Variants in AVL9 observed in about 807,000 individuals in gnomAD.
AVL9 encodes AVL9 cell migration associated, also known as late secretory pathway protein AVL9 homolog.
AVL9 carries 49 observed loss-of-function variants against 79.2 expected under a neutral mutation model. The ratio of observed to expected loss-of-function variants is 0.62; its 90% CI spans 0.49 to 0.79. The LOEUF is 0.79. Among genes scored for constraint, AVL9 ranks in the 30% least tolerant of loss-of-function variants. The pLI, the probability that AVL9 is intolerant of heterozygous loss-of-function variation, is 0.00. For missense variants in AVL9, 682 were observed against 776.8 expected (o/e 0.88, Z 1.45); for synonymous variants, 299 against 280.6 (o/e 1.07, Z -0.65).
chr7:32,526,138 C>T (rs1250459866), intron 1 of AVL9, among the ~76,000 whole-genome samples: 3 of 152,220 alleles, frequency 2.0e-5, no homozygotes, highest in South Asian at 4.1e-4. Flanking sequence ...CCTCCTGGTG[C>T]GCAGGCCAGT....
At chr7:32,579,251 G>T (rs1401569906) in intron 13 of AVL9, among the ~76,000 whole-genome samples, 1 of 129,730 alleles carries the variant, frequency 7.7e-6, no homozygotes, top group Non-Finnish European at 1.6e-5. Context: ...TTTTCCTACT[G>T]CCTGTATAAT....
At chr7:32,547,610 C>T (rs1344310428) in intron 3 of AVL9, among the ~76,000 whole-genome samples, 1 of 152,196 alleles carries the variant, frequency 6.6e-6, no homozygotes, top group Non-Finnish European at 1.5e-5. Context: ...TTCTGACCCA[C>T]TCAGGAGTAC....
rs1345984527 is a variant in AVL9 at position 32,586,465 on chromosome 7, C to CA, written c.*2558_*2559insA. 4 of 44,948 alleles carry CA rather than the reference C, an allele frequency of 8.9e-5. No individual in the cohort carries two copies. The highest frequency in any genetic ancestry group is 3.6e-4 in the African/African-American group (4 of 11,228). 2.8% of individuals were successfully genotyped at this position (44,948 alleles called of 1,614,324 possible). A position where few individuals can be genotyped will look rare whatever the true frequency, so the allele number is the denominator to read the frequency against. Reference sequence around the variant, plus strand: ...AGCCTCACCCCTGGTCCTGTGACCCCCCCCCCCCACACACACACATACTTC... The same window carrying CA: ...AGCCTCACCCCTGGTCCTGTGACCCCACCCCCCCCACACACACACATACTTC... On this transcript the variant is annotated 3_prime_UTR_variant, in exon 16 of 16. Coordinates refer to ENST00000318709, the MANE Select transcript of AVL9 (RefSeq NM_015060.3).
chr7:32,550,412 G>A (rs1789758070), intron 4 of AVL9, among the ~76,000 whole-genome samples: 1 of 152,148 alleles, frequency 6.6e-6, no homozygotes, highest in South Asian at 2.1e-4. Flanking sequence ...CAGACACAAG[G>A]GATGGGAAGA....
At chr7:32,562,514 C>G (rs1347609160) in intron 10 of AVL9, 3 of 525,956 alleles carry the variant, frequency 5.7e-6, no homozygotes, top group Non-Finnish European at 7.3e-6. Flanking sequence ...TTTTTAATAA[C>G]TTAAATGCAA....
chr7:32,511,133 C>T (rs1238224960), intron 1 of AVL9, among the ~76,000 whole-genome samples: 6 of 146,246 alleles, frequency 4.1e-5, no homozygotes, highest in African/African-American at 1.3e-4. Context: ...ATTTGTGAGC[C>T]GTCAGGTCTG....
intron 13 of AVL9, among the ~76,000 whole-genome samples, chr7:32,579,192 T>C (rs1005835495): frequency 3.4e-5 from 5 of 146,270 alleles, no homozygotes; most frequent in African/African-American, 1.0e-4. Flanking sequence ...GAGATAAGAA[T>C]TGGATATTTA....
intron 1 of AVL9, among the ~76,000 whole-genome samples, chr7:32,522,303 G>A (rs1322073819): frequency 6.6e-6 from 1 of 152,164 alleles, no homozygotes; most frequent in East Asian, 1.9e-4. Context: ...ATCCGGGAGG[G>A]AGGCTGTACC....
intron 15 of AVL9, among the ~76,000 whole-genome samples, chr7:32,583,141 T>A (rs866246712): frequency 1.3e-5 from 2 of 152,212 alleles, no homozygotes. Context: ...GGTTATTGAT[T>A]ATCAAGTTGG....
rs772438816 is a variant in AVL9, at chr7:32,559,354, C to T, written c.1105C>T (p.Pro369Ser). 3.1e-6 allele frequency: 5 copies of T among 1,613,972 alleles called. No homozygotes were observed. The Admixed American group carries it at 6.7e-5, about 22-fold the overall frequency. The change falls in exon 10 of 16, where the codon CCA (proline) becomes TCA (serine). Residue 369 changes from proline to serine, a missense_variant. By Grantham distance (74) the Pro-to-Ser change is moderately conservative. Transcript: ENST00000318709. The part of the protein sequence containing the change: ...PKDSVPSESL[P>S]ITVQPQANTG... ...GGACTCTGTCCCCTCAGAGAGTCTT[C>T]CAATTACTGTACAACCTCAAGCTAA...
chr7:32,573,847 A>T (rs1471974807), intron 12 of AVL9, among the ~76,000 whole-genome samples: 2 of 152,216 alleles, frequency 1.3e-5, no homozygotes, highest in Non-Finnish European at 2.9e-5. Flanking sequence ...TAAAAAATAG[A>T]AATCATTGAA....
At chr7:32,542,251 A>T (rs1168169505) in intron 1 of AVL9, among the ~76,000 whole-genome samples, 3 of 150,156 alleles carry the variant, frequency 2.0e-5, no homozygotes, top group African/African-American at 7.4e-5. Flanking sequence ...AGAAATAATC[A>T]CGAATTGGCC....
intron 3 of AVL9, among the ~76,000 whole-genome samples, chr7:32,547,039 A>G (rs1050319472): frequency 2.6e-5 from 4 of 152,144 alleles, no homozygotes; most frequent in African/African-American, 9.7e-5. Context: ...CTAAAGTAGC[A>G]TCTTAAATTT....
chr7:32,518,420 A>G (rs1788001424), intron 1 of AVL9, among the ~76,000 whole-genome samples: 1 of 152,216 alleles, frequency 6.6e-6, no homozygotes, highest in Non-Finnish European at 1.5e-5. Context: ...TTAAATACAT[A>G]TTTCATTAAA....
rs1184450442 is a variant in AVL9 at position 32,584,120 on chromosome 7, C to G, written c.*213C>G. 1 of 601,128 alleles carries G rather than the reference C, an allele frequency of 1.7e-6. No homozygotes were observed. The highest frequency in any genetic ancestry group is 1.9e-5 in the African/African-American group (1 of 53,720). 37.2% of individuals were successfully genotyped at this position (601,128 alleles called of 1,614,324 possible). ...CTTTCCAGGTTGGGGTTTCAATTGA[C>G]TACTTTTATTTCAGTCTGAGCCTGA... On this transcript the variant is annotated 3_prime_UTR_variant, in exon 16 of 16. Transcript: ENST00000318709.
intron 1 of AVL9, among the ~76,000 whole-genome samples, chr7:32,507,646 A>G (rs148319514): frequency 7.2e-5 from 11 of 152,242 alleles, no homozygotes; most frequent in African/African-American, 2.4e-4. Context: ...TATTTATTCA[A>G]CTGTTGACAG....
chr7:32,519,925 TGAGA>T (rs904321693), intron 1 of AVL9, among the ~76,000 whole-genome samples: 4 of 151,962 alleles, frequency 2.6e-5, no homozygotes, highest in African/African-American at 9.7e-5. Flanking sequence ...TGTGGAAGTG[TGAGA>T]GAGAGAGTGC....
intron 1 of AVL9, among the ~76,000 whole-genome samples, chr7:32,502,123 G>A (rs372352385): frequency 2.0e-5 from 3 of 151,934 alleles, no homozygotes; most frequent in African/African-American, 7.3e-5. Context: ...CAGCACTTTG[G>A]GAGGCCAAGA....
chr7:32,502,876 A>G (rs1235173484), intron 1 of AVL9, among the ~76,000 whole-genome samples: 1 of 152,242 alleles, frequency 6.6e-6, no homozygotes, highest in Non-Finnish European at 1.5e-5. Flanking sequence ...CAGATATGTT[A>G]GTAATTATTT....
Sources: gnomAD v4.1 joint callset for allele counts (sites outside exome capture counted in the v4.1 genomes callset) on GRCh38, gnomAD v4.1.1 for gene constraint, MANE v1.5 for transcripts, NCBI Gene and HGNC (gene_info 2026-07-23, HGNC 2026-07-21) for gene names.